Variants in TENM1 observed in about 807,000 individuals in gnomAD.
The protein encoded by TENM1 is teneurin transmembrane protein 1, also known as teneurin-1.
TENM1 carries 35 observed loss-of-function variants against 174.8 expected under a neutral mutation model. The observed-to-expected ratio is 0.20, with a 90% CI of 0.15 to 0.27. The LOEUF (loss-of-function observed/expected upper bound fraction) is 0.27. Ranked by LOEUF, TENM1 falls within the 10% of genes least tolerant of loss-of-function variation. The pLI is 1.00. For synonymous variants in TENM1, 781 were observed against 798.7 expected (o/e 0.98, Z 0.37); for missense variants, 1,633 against 2,130.1 (o/e 0.77, Z 4.59).
intron 22 of TENM1, among the ~76,000 whole-genome samples, chrX:124,473,030 A>C (rs953359320): frequency 8.9e-6 from 1 of 112,002 alleles, no homozygotes; most frequent in Non-Finnish European, 1.9e-5. Context: ...CTGTACATTA[A>C]AACATCTTAC....
chrX:125,097,295 G>T, the TENM1 span, among the ~76,000 whole-genome samples: 3 of 111,486 alleles, frequency 2.7e-5, no homozygotes, highest in African/African-American at 9.8e-5. Flanking sequence ...ACAGCGCAAA[G>T]AATTTTGTTG....
At chrX:124,751,640 C>T (rs7473266) in intron 3 of TENM1, among the ~76,000 whole-genome samples, 1 of 70,773 alleles carries the variant, frequency 1.4e-5, no homozygotes, top group Non-Finnish European at 2.7e-5. Flanking sequence ...ATCCCTCCCC[C>T]CTCCCCCCAC....
chrX:124,583,169 T>G (rs1446938346), intron 11 of TENM1, among the ~76,000 whole-genome samples: 1 of 111,285 alleles, frequency 9.0e-6, no homozygotes, highest in East Asian at 2.8e-4. Flanking sequence ...TCTGACAGCT[T>G]TGAAGAGACC....
At chrX:124,423,848 T>G in intron 23 of TENM1, among the ~76,000 whole-genome samples, 1 of 111,940 alleles carries the variant, frequency 8.9e-6, no homozygotes, top group Admixed American at 9.4e-5. Flanking sequence ...CAACTTCATA[T>G]GTTGAAGCCC....
chrX:124,436,308 T>C (rs2060835579), intron 23 of TENM1, among the ~76,000 whole-genome samples: 1 of 110,959 alleles, frequency 9.0e-6, no homozygotes, highest in African/African-American at 3.3e-5. Context: ...AAAGAGATTC[T>C]GAGAAGCTAA....
At chrX:124,385,752 C>T (rs1437446239) in exon 29 of TENM1, 1 of 1,210,892 alleles carries the variant, frequency 8.3e-7, no homozygotes, top group Non-Finnish European at 1.1e-6. Context: ...CCAGAAGACT[C>T]TTCATATGTT....
the TENM1 span, among the ~76,000 whole-genome samples, chrX:125,061,636 C>T: frequency 8.9e-6 from 1 of 111,855 alleles, no homozygotes; most frequent in Admixed American, 9.5e-5. Context: ...ACTAATTCTG[C>T]CTGGGCGCAG....
chrX:124,532,724 G>A (rs1284866467), intron 15 of TENM1, among the ~76,000 whole-genome samples: 1 of 111,456 alleles, frequency 9.0e-6, no homozygotes, highest in Non-Finnish European at 1.9e-5. Flanking sequence ...TACAGCATAT[G>A]ATAAAACCCC....
intron 3 of TENM1, among the ~76,000 whole-genome samples, chrX:124,810,367 C>T (rs1048092971): frequency 4.7e-4 from 52 of 111,559 alleles, no homozygotes; most frequent in African/African-American, 1.6e-3. Context: ...AGTAAAGTTG[C>T]AGGATAAAAA....
chrX:124,760,887 G>T (rs1237532620), intron 3 of TENM1, among the ~76,000 whole-genome samples: 2 of 111,387 alleles, frequency 1.8e-5, no homozygotes, highest in Admixed American at 1.9e-4. Flanking sequence ...GTGCGCAAAG[G>T]ATATGAACAG....
At chrX:124,647,474 C>T (rs970769326) in intron 8 of TENM1, among the ~76,000 whole-genome samples, 2 of 111,216 alleles carry the variant, frequency 1.8e-5, no homozygotes, top group African/African-American at 6.5e-5. Flanking sequence ...GAATGGATTT[C>T]AGATGAATTG....
the TENM1 span, among the ~76,000 whole-genome samples, chrX:125,095,805 T>C: frequency 5.4e-5 from 6 of 111,770 alleles, no homozygotes; most frequent in Admixed American, 5.7e-4. Context: ...AGAGATGGCA[T>C]TGGTTTTATG....
At chrX:124,717,654 A>G (rs1340320198) in intron 4 of TENM1, among the ~76,000 whole-genome samples, 1 of 111,918 alleles carries the variant, frequency 8.9e-6, no homozygotes, top group Non-Finnish European at 1.9e-5. Flanking sequence ...TCACTGTGAG[A>G]TTACTCTGCA....
chrX:125,019,011 T>A, the TENM1 span, among the ~76,000 whole-genome samples: 1 of 112,090 alleles, frequency 8.9e-6, no homozygotes, highest in African/African-American at 3.2e-5. Flanking sequence ...ACTGAAAATG[T>A]TTTACATCTG....
At chrX:124,970,481 T>C in the TENM1 span, among the ~76,000 whole-genome samples, 7 of 112,176 alleles carry the variant, frequency 6.2e-5, no homozygotes, top group Non-Finnish European at 1.3e-4. Flanking sequence ...TAATGCAGAT[T>C]GACTGATTCA....
chrX:124,696,733 A>T (rs1031940018), intron 5 of TENM1, among the ~76,000 whole-genome samples: 2 of 111,766 alleles, frequency 1.8e-5, no homozygotes, highest in Admixed American at 9.5e-5. Flanking sequence ...GCCATATTTA[A>T]TATCTACGCT....
At chrX:124,443,086 G>A (rs1312551777) in intron 23 of TENM1, among the ~76,000 whole-genome samples, 1 of 83,160 alleles carries the variant, frequency 1.2e-5, no homozygotes, top group Non-Finnish European at 2.6e-5. Flanking sequence ...GTGTGTGTGT[G>A]TGTGTGTGTG....
chrX:124,901,825 T>C (rs192608242), intron 1 of TENM1, among the ~76,000 whole-genome samples: 1 of 111,642 alleles, frequency 9.0e-6, no homozygotes, highest in East Asian at 2.8e-4. Flanking sequence ...AAGTGAGCTT[T>C]AAGGCATTAT....
rs1166036026 is a variant in TENM1, at chrX:124,568,560, G to A, written c.2078-3000C>T. 1.2e-4 allele frequency among the ~76,000 whole-genome samples: 13 copies of A among 111,820 alleles called. No individual in the cohort carries two copies. The Admixed American group carries it at 1.2e-3, about 11-fold the overall frequency. ...TATATTATTCGGGAGTTAGGTAACT[G>A]GTACTTTGTCAAGTATGCATATGAA... is the stretch of plus-strand genomic sequence containing the variant. On this transcript the variant is annotated intron_variant, in intron 11 of 31. Transcript: ENST00000422452.
Sources: allele counts gnomAD v4.1 joint callset (sites outside exome capture counted in the v4.1 genomes callset), GRCh38; gene constraint gnomAD v4.1.1; transcripts MANE v1.5; gene names NCBI Gene and HGNC (gene_info 2026-07-23, HGNC 2026-07-21).